Variants in SPIDR observed in about 807,000 individuals in gnomAD.
SPIDR encodes the protein DNA repair-scaffolding protein.
SPIDR carries 93 observed loss-of-function variants against 104.6 expected under a neutral mutation model. The ratio of observed to expected loss-of-function variants is 0.89; its 90% CI spans 0.75 to 1.06. The LOEUF (loss-of-function observed/expected upper bound fraction) is 1.06, where lower values mean the gene tolerates loss of function less well. SPIDR is among the 50% of genes least tolerant of loss of function. SPIDR has a pLI of 0.00. For missense variants in SPIDR, 1,154 were observed against 1,111.2 expected, an observed-to-expected ratio of 1.04 and a Z score of -0.55; for synonymous variants, 431 against 416.9, an observed-to-expected ratio of 1.03 and a Z score of -0.41.
At chr8:47,547,485 G>A (rs1315850504) in intron 8 of SPIDR, 2 of 206,040 alleles carry the variant, frequency 9.7e-6, no homozygotes, top group East Asian at 3.1e-4. Flanking sequence ...GGAATGCAGT[G>A]GCATGATCTT....
At chr8:47,417,486 TA>T (rs1446236348) in intron 7 of SPIDR, among the ~76,000 whole-genome samples, 1 of 152,296 alleles carries the variant, frequency 6.6e-6, no homozygotes, top group African/African-American at 2.4e-5. Context: ...TTTTTTCTTG[TA>T]AATTTGTTTG....
At chr8:47,503,002 G>C (rs113590491) in intron 8 of SPIDR, among the ~76,000 whole-genome samples, 2 of 152,048 alleles carry the variant, frequency 1.3e-5, no homozygotes, top group Non-Finnish European at 2.9e-5. Flanking sequence ...GTCTGAGAGA[G>C]AGTTTGTTAT....
At chr8:47,437,485 G>C (rs564878496) in intron 7 of SPIDR, among the ~76,000 whole-genome samples, 1 of 151,834 alleles carries the variant, frequency 6.6e-6, no homozygotes, top group South Asian at 2.1e-4. Context: ...TCTTAATCCA[G>C]TCTATCATTG....
In SPIDR at chr8:47,667,071, AGGAG is replaced by A. The variant is rs1462570069; in HGVS notation, c.1545-6729_1545-6726del. Among the ~76,000 whole-genome samples, 7 of 152,248 alleles carry A rather than the reference AGGAG, an allele frequency of 4.6e-5. No individual in the cohort carries two copies. In the East Asian group the frequency reaches 1.4e-3, roughly 29 times the overall value. On this transcript the variant is annotated intron_variant, in intron 10 of 19. Transcript: ENST00000297423. The stretch of plus-strand genomic sequence containing the variant: ...CAAGGCAGGCAGATGACCTGAGGTC[AGGAG>A]TTCAAGACCAGCATGGCCAACATGG...
intron 1 of SPIDR, among the ~76,000 whole-genome samples, chr8:47,275,025 C>T (rs2036104720): frequency 6.6e-6 from 1 of 151,300 alleles, no homozygotes; most frequent in African/African-American, 2.4e-5. Context: ...TTTGGGAGGC[C>T]GAGGCGGGTG....
chr8:47,559,508 G>C (rs781391438), intron 8 of SPIDR, among the ~76,000 whole-genome samples: 2 of 152,200 alleles, frequency 1.3e-5, no homozygotes, highest in Admixed American at 6.5e-5. Flanking sequence ...CCAGGCCTTT[G>C]CTTGCCTGTC....
chr8:47,634,017 C>T (rs1432579083), intron 10 of SPIDR, among the ~76,000 whole-genome samples: 1 of 151,852 alleles, frequency 6.6e-6, no homozygotes, highest in Non-Finnish European at 1.5e-5. Context: ...ATGGATTGAG[C>T]CTAGGAGATT....
chr8:47,667,946 T>G (rs1174212365), intron 10 of SPIDR: 3 of 152,030 alleles, frequency 2.0e-5, no homozygotes, highest in Non-Finnish European at 4.4e-5. Context: ...CTATTAAGTT[T>G]GAAAATAGAC....
At chr8:47,296,304 A>G (rs1406162754) in intron 5 of SPIDR, among the ~76,000 whole-genome samples, 1 of 152,070 alleles carries the variant, frequency 6.6e-6, no homozygotes, top group African/African-American at 2.4e-5. Context: ...TTTTGTTGTC[A>G]GTGCTTTTAG....
intron 5 of SPIDR, among the ~76,000 whole-genome samples, chr8:47,363,662 T>C (rs1353289549): frequency 6.6e-6 from 1 of 152,016 alleles, no homozygotes; most frequent in Non-Finnish European, 1.5e-5. Context: ...TGAACAGTTA[T>C]TTATGTTATC....
chr8:47,512,875 A>T (rs569291888), intron 8 of SPIDR, among the ~76,000 whole-genome samples: 163 of 152,324 alleles, frequency 1.1e-3, no homozygotes, highest in Middle Eastern at 6.8e-3. Context: ...GACTGTAATA[A>T]CTAAGCTATT....
At chr8:47,410,038 C>G (rs1026547973) in intron 7 of SPIDR, among the ~76,000 whole-genome samples, 1 of 152,024 alleles carries the variant, frequency 6.6e-6, no homozygotes, top group Non-Finnish European at 1.5e-5. Flanking sequence ...TAAAAAAATA[C>G]AAAAAACTCC....
chr8:47,322,321 A>G (rs1026631816), intron 5 of SPIDR, among the ~76,000 whole-genome samples: 3 of 152,256 alleles, frequency 2.0e-5, no homozygotes, highest in Non-Finnish European at 4.4e-5. Context: ...TATGCAGCCA[A>G]AAGACACTTG....
intron 10 of SPIDR, among the ~76,000 whole-genome samples, chr8:47,647,279 C>T (rs2070559926): frequency 6.6e-6 from 1 of 152,066 alleles, no homozygotes; most frequent in Non-Finnish European, 1.5e-5. Context: ...TTGGAACTGC[C>T]ATTATTTGGG....
At chr8:47,394,429 A>C (rs1441779278) in intron 5 of SPIDR, among the ~76,000 whole-genome samples, 2 of 152,066 alleles carry the variant, frequency 1.3e-5, no homozygotes, top group Non-Finnish European at 2.9e-5. Flanking sequence ...TTATTTGTTG[A>C]CTTATTTCTA....
rs184637233 is a variant in SPIDR at position 47,409,739 on chromosome 8, C to T, written c.877+1778C>T. Among the ~76,000 whole-genome samples the T allele has an allele frequency of 1.1e-3, 165 of 152,206 alleles. 1 individual carries two copies. In the Middle Eastern group the frequency reaches 0.017, roughly 16 times the overall value. On this transcript the variant is annotated intron_variant, in intron 7 of 19. Coordinates refer to ENST00000297423, the MANE Select transcript of SPIDR (RefSeq NM_001080394.4). ...TATCTCATTTATTCCTTTTAAAATC[C>T]TTTCCGAGGCCAGGTGTGGTGGCTC... is the stretch of plus-strand genomic sequence containing the variant.
chr8:47,270,918 A>G (rs2035178757), intron 1 of SPIDR, among the ~76,000 whole-genome samples: 1 of 152,160 alleles, frequency 6.6e-6, no homozygotes, highest in South Asian at 2.1e-4. Flanking sequence ...GTCTAAGAAC[A>G]GTATTACTAT....
intron 10 of SPIDR, chr8:47,653,983 T>A (rs2072196667): frequency 7.9e-7 from 1 of 1,267,654 alleles, no homozygotes; most frequent in Admixed American, 2.4e-5. Flanking sequence ...AAAATGATAC[T>A]TAGATGAGTG....
chr8:47,576,279 G>A (rs779252760), intron 8 of SPIDR, among the ~76,000 whole-genome samples: 23 of 152,302 alleles, frequency 1.5e-4, no homozygotes, highest in Middle Eastern at 6.8e-3. Context: ...AGCCTCCAGA[G>A]CAGCTAGGAT....
Sources: gnomAD v4.1 joint callset for allele counts (sites outside exome capture counted in the v4.1 genomes callset) on GRCh38, gnomAD v4.1.1 for gene constraint, MANE v1.5 for transcripts, NCBI Gene and HGNC (gene_info 2026-07-23, HGNC 2026-07-21) for gene names.